PVALB: variants seen among roughly 807,000 people sequenced by gnomAD.
The protein encoded by PVALB is parvalbumin.
Under a neutral mutation model 10.9 loss-of-function variants are expected in PVALB, and 11 were observed. The ratio of observed to expected loss-of-function variants is 1.01; its 90% CI spans 0.63 to 1.67. The LOEUF (loss-of-function observed/expected upper bound fraction) is 1.67. Among genes scored for constraint, PVALB ranks in the 40% most tolerant of loss-of-function variants. The probability of loss-of-function intolerance (pLI) is 0.00; values close to 1 mark genes in which losing one functional copy is unlikely to be tolerated. For missense variants in PVALB, 131 were observed against 136.2 expected, an observed-to-expected ratio of 0.96 and a Z score of 0.19; for synonymous variants, 57 against 50.7, an observed-to-expected ratio of 1.12 and a Z score of -0.53.
chr22:36,803,850 G>A (rs1173523487), intron 3 of PVALB, among the ~76,000 whole-genome samples: 1 of 152,176 alleles, frequency 6.6e-6, no homozygotes, highest in Non-Finnish European at 1.5e-5. Flanking sequence ...GGCTGGGAAG[G>A]TGAGGTGTCA....
intron 3 of PVALB, among the ~76,000 whole-genome samples, chr22:36,801,922 A>G (rs1193734145): frequency 6.6e-6 from 1 of 152,164 alleles, no homozygotes; most frequent in African/African-American, 2.4e-5. Flanking sequence ...TGGAAAATGT[A>G]TCTCTCTGGG....
intron 3 of PVALB, among the ~76,000 whole-genome samples, chr22:36,811,919 G>A (rs1939051973): frequency 6.6e-6 from 1 of 152,068 alleles, no homozygotes; most frequent in Non-Finnish European, 1.5e-5. Flanking sequence ...CACAAGAAGG[G>A]CAGCTGGCAT....
At chr22:36,805,991 ATCCTC>A (rs1938943174) in intron 3 of PVALB, among the ~76,000 whole-genome samples, 1 of 152,152 alleles carries the variant, frequency 6.6e-6, no homozygotes, top group African/African-American at 2.4e-5. Flanking sequence ...TTAGTTCCTG[ATCCTC>A]AGTTTCCTCA....
intron 3 of PVALB, among the ~76,000 whole-genome samples, 196 bp from the exon 4 acceptor site, chr22:36,801,114 G>T (rs1287293937): frequency 6.6e-6 from 1 of 152,134 alleles, no homozygotes; most frequent in African/African-American, 2.4e-5. Context: ...GGTGGGAAAT[G>T]ATGGGCCTAC....
chr22:36,818,156 T>C (rs1318731808), upstream of PVALB, among the ~76,000 whole-genome samples: 1 of 152,142 alleles, frequency 6.6e-6, no homozygotes, highest in Non-Finnish European at 1.5e-5. Flanking sequence ...TAAGTCCCAG[T>C]GTGACCTTGG....
Position 36,804,533 on chromosome 22 carries a change from G to A in PVALB, c.305-3615C>T, listed in dbSNP as rs145263480. ...ATTGAGGGCAGGAGCCACCCCTTCC[G>A]TGCCTTTCCTATCTGCCTCAGGGCT... On this transcript the variant is annotated intron_variant, in intron 3 of 3. Transcript: ENST00000417718. 9.5e-4 allele frequency among the ~76,000 whole-genome samples: 145 copies of A among 152,280 alleles called. 5 individuals carry two copies. In the East Asian group the frequency reaches 0.015, roughly 15 times the overall value.
chr22:36,805,305 G>A (rs1938932191), intron 3 of PVALB, among the ~76,000 whole-genome samples: 1 of 152,154 alleles, frequency 6.6e-6, no homozygotes, highest in African/African-American at 2.4e-5. Context: ...GTTGTTCAGA[G>A]GAGCCAGCAC....
Position 36,800,920 on chromosome 22 carries a change from T to C in PVALB, c.305-2A>G. 1 of 1,611,058 alleles carries C rather than the reference T, an allele frequency of 6.2e-7. No individual in the cohort carries two copies. Among genetic ancestry groups the C allele is most frequent in the Non-Finnish European group, 8.5e-7 (1 of 1,177,416 alleles). On this transcript the variant is annotated splice_acceptor_variant, in intron 3 of 3. Transcript: ENST00000417718. LOFTEE classifies it high-confidence loss of function. Reference sequence around the variant, plus strand: ...TTTCAGCCACCAGAGTGGAGAATTCTGCAGAACAAAATGACAAGGAAAGTG... The same window carrying C: ...TTTCAGCCACCAGAGTGGAGAATTCCGCAGAACAAAATGACAAGGAAAGTG...
intron 3 of PVALB, among the ~76,000 whole-genome samples, chr22:36,803,394 C>T (rs1281675847): frequency 6.6e-6 from 1 of 152,180 alleles, no homozygotes; most frequent in Non-Finnish European, 1.5e-5. Context: ...TCTCCCCCTA[C>T]TAGAATGCAA....
At chr22:36,808,993 A>C (rs1407915956) in intron 3 of PVALB, among the ~76,000 whole-genome samples, 1 of 152,184 alleles carries the variant, frequency 6.6e-6, no homozygotes, top group East Asian at 1.9e-4. Flanking sequence ...CAGAGACGGG[A>C]ATGCAAAGGG....
At position 36,800,868 on chromosome 22, in the gene PVALB, G is replaced by T; in HGVS notation, c.*22C>A. ...GGGTGTTCAGGGCAGAGAGGTGGAA[G>T]ACCAGGGGCAGTCAGTGCTTCTTAG... On this transcript the variant is annotated 3_prime_UTR_variant, in exon 4 of 4. Transcript: ENST00000417718. The T allele has an allele frequency of 6.2e-7, 1 of 1,600,470 alleles. No individual in the cohort carries two copies. The highest frequency in any genetic ancestry group is 8.6e-7 in the Non-Finnish European group (1 of 1,167,502).
chr22:36,804,345 G>C (rs932638385), intron 3 of PVALB, among the ~76,000 whole-genome samples: 5 of 152,204 alleles, frequency 3.3e-5, no homozygotes, highest in Admixed American at 3.3e-4. Context: ...CTTTGGAGCT[G>C]TGGGGTTTTT....
In PVALB at chr22:36,800,712, C is replaced by T; in HGVS notation, c.*178G>A. The T allele has an allele frequency of 4.1e-6, 3 of 730,064 alleles. No homozygotes were observed. The highest frequency in any genetic ancestry group is 2.7e-5 in the East Asian group (1 of 37,400). 45.2% of individuals were successfully genotyped at this position (730,064 alleles called of 1,614,324 possible). On this transcript the variant is annotated 3_prime_UTR_variant, in exon 4 of 4. Coordinates refer to ENST00000417718, the MANE Select transcript of PVALB (RefSeq NM_001315532.2). ...CTGAGCAAGCAGAGTCTGACTGGTA[C>T]AACCTTTATTGCTTCTCCAGCATTT...
At chr22:36,806,759 C>T (rs760408047) in intron 3 of PVALB, among the ~76,000 whole-genome samples, 12 of 152,142 alleles carry the variant, frequency 7.9e-5, no homozygotes, top group African/African-American at 1.7e-4. Flanking sequence ...AGGCACCGCA[C>T]GGTGTGTTAT....
At chr22:36,807,575 A>G (rs1022598795) in intron 3 of PVALB, among the ~76,000 whole-genome samples, 1 of 152,220 alleles carries the variant, frequency 6.6e-6, no homozygotes, top group Non-Finnish European at 1.5e-5. Context: ...TTACGAGCAA[A>G]ACATTCCCAT....
chr22:36,806,664 G>A (rs993493302), intron 3 of PVALB, among the ~76,000 whole-genome samples: 2 of 152,178 alleles, frequency 1.3e-5, no homozygotes, highest in African/African-American at 4.8e-5. Flanking sequence ...TCCCATCCCG[G>A]AGAACTGGGA....
chr22:36,812,163 C>G (rs776377391), intron 3 of PVALB, among the ~76,000 whole-genome samples: 7 of 152,178 alleles, frequency 4.6e-5, no homozygotes, highest in Non-Finnish European at 8.8e-5. Context: ...GAAGCTGATG[C>G]ACCCCATTTG....
intron 3 of PVALB, among the ~76,000 whole-genome samples, chr22:36,805,552 C>A (rs1430175082): frequency 6.6e-6 from 1 of 152,210 alleles, no homozygotes. Context: ...TCCGCCCTGG[C>A]ACCTACCTAC....
At chr22:36,814,640 T>C (rs1939107496) in intron 2 of PVALB, among the ~76,000 whole-genome samples, 1 of 151,968 alleles carries the variant, frequency 6.6e-6, no homozygotes, top group Non-Finnish European at 1.5e-5. Flanking sequence ...CTCTCAGAGG[T>C]GGTTCTGCAT....
Sources: gnomAD v4.1 joint callset for allele counts (sites outside exome capture counted in the v4.1 genomes callset) on GRCh38, gnomAD v4.1.1 for gene constraint, MANE v1.5 for transcripts, NCBI Gene and HGNC (gene_info 2026-07-23, HGNC 2026-07-21) for gene names.